Variants in HUNK observed in about 807,000 individuals in gnomAD.
The protein encoded by HUNK is hormonally up-regulated neu tumor-associated kinase.
A neutral mutation model predicts 61.0 loss-of-function variants in HUNK; 21 were observed. The observed-to-expected ratio is 0.34, with a 90% confidence interval of 0.24 to 0.50. HUNK has a LOEUF of 0.50. HUNK is among the 20% of genes least tolerant of loss of function. The probability of loss-of-function intolerance (pLI) is 0.98; values close to 1 mark genes in which losing one functional copy is unlikely to be tolerated. For missense variants in HUNK, 772 were observed against 945.7 expected, an observed-to-expected ratio of 0.82 and a Z score of 2.41; for synonymous variants, 371 against 386.1, an observed-to-expected ratio of 0.96 and a Z score of 0.46.
chr21:31,940,819 G>A (rs1203106718), intron 3 of HUNK, among the ~76,000 whole-genome samples: 1 of 152,142 alleles, frequency 6.6e-6, no homozygotes, highest in Non-Finnish European at 1.5e-5. Context: ...CTCCCTCTGT[G>A]GTCGCTCTGG....
At position 31,955,498 on chromosome 21, in the gene HUNK, G is replaced by A. The variant is rs375157206; in HGVS notation, c.747-3345G>A. ...CCCAGCTACTCGGGAGGCTGAGGCA[G>A]GAGAATGGCGTGAACCCGGGAGGCA... On this transcript the variant is annotated intron_variant, in intron 4 of 10. Coordinates refer to ENST00000270112, the MANE Select transcript of HUNK (RefSeq NM_014586.2). 2.1e-4 allele frequency among the ~76,000 whole-genome samples: 32 copies of A among 152,106 alleles called. No individual in the cohort carries two copies. The East Asian group carries it at 3.3e-3, about 16-fold the overall frequency.
rs375328601 is a variant in HUNK, at chr21:31,995,958, C to T, written c.1486+10C>T. 3.7e-6 allele frequency: 6 copies of T among 1,606,412 alleles called. No individual in the cohort carries two copies. Among genetic ancestry groups the T allele is most frequent in the Non-Finnish European group, 5.1e-6 (6 of 1,175,180 alleles). ...AGCTTCCCCGACAAAGGTGGGTCAGCTCTGGGGACTCTCTCAGGCCACTCG... is the reference window on the plus strand; with the variant it reads ...AGCTTCCCCGACAAAGGTGGGTCAGTTCTGGGGACTCTCTCAGGCCACTCG... On this transcript the variant is annotated intron_variant, in intron 10 of 10. Coordinates refer to ENST00000270112, the MANE Select transcript of HUNK (RefSeq NM_014586.2).
At chr21:31,889,244 G>T (rs2052369887) in intron 1 of HUNK, among the ~76,000 whole-genome samples, 1 of 152,172 alleles carries the variant, frequency 6.6e-6, no homozygotes, top group Admixed American at 6.5e-5. Context: ...CCAAGCCATT[G>T]CTTAGTCCCC....
rs146436941 is a variant in HUNK, at chr21:31,923,371, T to C, written c.262-1097T>C. On this transcript the variant is annotated intron_variant, in intron 1 of 10. Coordinates refer to ENST00000270112, the MANE Select transcript of HUNK (RefSeq NM_014586.2). Reference sequence around the variant, plus strand: ...GGGAGGATCACTTAAGCCCAGGAGTTTGAGGCTTCAGTGAGCCATGATTGC... The same window carrying C: ...GGGAGGATCACTTAAGCCCAGGAGTCTGAGGCTTCAGTGAGCCATGATTGC... 7.6e-4 allele frequency among the ~76,000 whole-genome samples: 116 copies of C among 151,660 alleles called. 1 individual carries two copies. The East Asian group carries it at 0.019, about 25-fold the overall frequency.
chr21:31,933,678 G>A (rs897860176), intron 2 of HUNK, among the ~76,000 whole-genome samples: 1 of 151,824 alleles, frequency 6.6e-6, no homozygotes, highest in African/African-American at 2.4e-5. Context: ...CCAGCTACTC[G>A]GGAGGCTGAG....
chr21:31,980,260 C>A (rs145448595), intron 7 of HUNK, among the ~76,000 whole-genome samples: 1 of 151,888 alleles, frequency 6.6e-6, no homozygotes, highest in African/African-American at 2.4e-5. Flanking sequence ...TTAGTAGAGA[C>A]GGGGTTTCAC....
chr21:31,874,250 C>A (rs1033334438), intron 1 of HUNK, among the ~76,000 whole-genome samples: 2 of 151,624 alleles, frequency 1.3e-5, no homozygotes, highest in Non-Finnish European at 2.9e-5. Context: ...GGGATGGGGC[C>A]CCTCTGCCCT....
At chr21:31,955,424 A>C (rs2052882437) in intron 4 of HUNK, among the ~76,000 whole-genome samples, 2 of 135,572 alleles carry the variant, frequency 1.5e-5, no homozygotes, top group Non-Finnish European at 1.6e-5. Flanking sequence ...CCCCGTCTCT[A>C]CGAAAAAAAA....
chr21:31,884,367 G>T (rs2052330861), intron 1 of HUNK, among the ~76,000 whole-genome samples: 1 of 152,098 alleles, frequency 6.6e-6, no homozygotes. Context: ...CGAGGTGGGT[G>T]GATCACTTGA....
At chr21:31,957,599 A>C (rs1001056108) in intron 4 of HUNK, among the ~76,000 whole-genome samples, 5 of 152,200 alleles carry the variant, frequency 3.3e-5, no homozygotes, top group Non-Finnish European at 2.9e-5. Flanking sequence ...GCTTTTGAAC[A>C]CTTGAGACCT....
intron 6 of HUNK, among the ~76,000 whole-genome samples, chr21:31,968,765 AGT>A (rs1258496593): frequency 3.0e-5 from 4 of 135,336 alleles, no homozygotes; most frequent in Non-Finnish European, 3.1e-5. Flanking sequence ...AGAGAGAGAG[AGT>A]GAGTGTCTAT....
chr21:31,897,890 C>G (rs530491061), intron 1 of HUNK, among the ~76,000 whole-genome samples: 1 of 152,240 alleles, frequency 6.6e-6, no homozygotes, highest in South Asian at 2.1e-4. Flanking sequence ...CCACCATGTT[C>G]TATCTTTCCG....
At chr21:31,972,740 G>A (rs973004690) in intron 6 of HUNK, among the ~76,000 whole-genome samples, 1 of 152,166 alleles carries the variant, frequency 6.6e-6, no homozygotes, top group Non-Finnish European at 1.5e-5. Flanking sequence ...ATGTTATCTG[G>A]AATGTGTAAT....
At chr21:31,897,949 C>G (rs1356088522) in intron 1 of HUNK, among the ~76,000 whole-genome samples, 1 of 152,124 alleles carries the variant, frequency 6.6e-6, no homozygotes, top group Non-Finnish European at 1.5e-5. Context: ...TTGTTAAGTG[C>G]ACTTGGGCTT....
At chr21:31,880,448 G>T (rs2052298105) in intron 1 of HUNK, among the ~76,000 whole-genome samples, 1 of 152,176 alleles carries the variant, frequency 6.6e-6, no homozygotes, top group African/African-American at 2.4e-5. Flanking sequence ...ATCCTTCCTT[G>T]CCTCTTACTA....
chr21:31,930,046 TA>T (rs2052686212), intron 2 of HUNK, among the ~76,000 whole-genome samples: 1 of 152,166 alleles, frequency 6.6e-6, no homozygotes, highest in Non-Finnish European at 1.5e-5. Flanking sequence ...TAATTGGGTT[TA>T]AAAAAATAGC....
intron 1 of HUNK, among the ~76,000 whole-genome samples, chr21:31,891,847 T>C (rs894509948): frequency 1.8e-4 from 27 of 152,204 alleles, no homozygotes; most frequent in African/African-American, 5.5e-4. Flanking sequence ...GAGGGCTTGT[T>C]GTTGGTTTTG....
intron 2 of HUNK, among the ~76,000 whole-genome samples, chr21:31,926,780 G>T (rs952092708): frequency 6.6e-6 from 1 of 152,088 alleles, no homozygotes; most frequent in Admixed American, 6.6e-5. Flanking sequence ...ACTGCTATGA[G>T]CGCTGTTTTC....
chr21:31,992,598 T>C (rs1024211317), intron 9 of HUNK, among the ~76,000 whole-genome samples: 6 of 152,162 alleles, frequency 3.9e-5, no homozygotes, highest in Admixed American at 2.0e-4. Context: ...TCTATGTGGG[T>C]GCTGGAGCGC....
Sources: allele counts gnomAD v4.1 joint callset (sites outside exome capture counted in the v4.1 genomes callset), GRCh38; gene constraint gnomAD v4.1.1; transcripts MANE v1.5; gene names NCBI Gene and HGNC (gene_info 2026-07-23, HGNC 2026-07-21).